Variants in CCDC33 observed in about 807,000 individuals in gnomAD.
CCDC33 encodes coiled-coil domain containing 33.
In CCDC33, 94 loss-of-function variants were observed where a neutral mutation model predicts 91.9. The observed-to-expected ratio is 1.02, with a 90% confidence interval of 0.87 to 1.21. The LOEUF (loss-of-function observed/expected upper bound fraction) is 1.21, where lower values mean the gene tolerates loss of function less well. Among genes scored for constraint, CCDC33 ranks in the 50% most tolerant of loss-of-function variants. The pLI, the probability that CCDC33 is intolerant of heterozygous loss-of-function variation, is 0.00. For missense variants in CCDC33, 940 were observed against 935.5 expected, an observed-to-expected ratio of 1.00 and a Z score of -0.06; for synonymous variants, 396 against 374.5, an observed-to-expected ratio of 1.06 and a Z score of -0.66.
upstream of CCDC33, among the ~76,000 whole-genome samples, chr15:74,233,217 C>T (rs2075040171): frequency 6.6e-6 from 1 of 152,212 alleles, no homozygotes; most frequent in Admixed American, 6.5e-5. Context: ...AAGTTCACTC[C>T]TGGTATGTAA....
At position 74,333,837 on chromosome 15, in the gene CCDC33, A is replaced by T. The variant is rs765201607; in HGVS notation, c.1939-44A>T. 20 of 1,525,348 alleles carry T rather than the reference A, an allele frequency of 1.3e-5. No homozygotes were observed. The South Asian group carries it at 2.2e-4, about 16-fold the overall frequency. The allele number at this position is 1,525,348 out of a possible 1,614,324, so 94.5% of individuals were successfully genotyped here. A position where few individuals can be genotyped will look rare whatever the true frequency, so the allele number is the denominator to read the frequency against. Reference sequence around the variant, plus strand: ...TGGTTTCCCAAGCTCACACTGCCACAGCCTCCAGCTGGGGCCAAATGTGAG... The same window carrying T: ...TGGTTTCCCAAGCTCACACTGCCACTGCCTCCAGCTGGGGCCAAATGTGAG... On this transcript the variant is annotated intron_variant, in intron 16 of 18. Coordinates refer to ENST00000398814, the MANE Select transcript of CCDC33 (RefSeq NM_025055.5).
chr15:74,319,079 C>T (rs2060154119), intron 11 of CCDC33, among the ~76,000 whole-genome samples: 1 of 152,192 alleles, frequency 6.6e-6, no homozygotes, highest in Non-Finnish European at 1.5e-5. Context: ...GTGGGTGTGG[C>T]AGATGGGGCA....
At chr15:74,222,907 C>T (rs1440663289) in intron 2 of CCDC33, among the ~76,000 whole-genome samples, 1 of 151,832 alleles carries the variant, frequency 6.6e-6, no homozygotes, top group Non-Finnish European at 1.5e-5. Context: ...GCACTCCGTC[C>T]TCACTCCCCC....
upstream of CCDC33, among the ~76,000 whole-genome samples, chr15:74,235,382 C>G (rs540958009): frequency 1.1e-4 from 16 of 152,324 alleles, no homozygotes; most frequent in African/African-American, 3.6e-4. Flanking sequence ...TCTGCAAAGC[C>G]GGAGTCTCCT....
chr15:74,308,599 A>G (rs932105774), intron 11 of CCDC33, among the ~76,000 whole-genome samples: 1 of 151,970 alleles, frequency 6.6e-6, no homozygotes, highest in African/African-American at 2.4e-5. Flanking sequence ...ATCTTCAAGG[A>G]GGGGGGACAG....
intron 1 of CCDC33, chr15:74,208,653 A>C: frequency 1.0e-6 from 1 of 956,382 alleles, no homozygotes; most frequent in Non-Finnish European, 1.2e-6. Flanking sequence ...CTTACTCATC[A>C]GAATTGCTCC....
upstream of CCDC33, among the ~76,000 whole-genome samples, chr15:74,215,976 G>A (rs1304345570): frequency 3.9e-5 from 6 of 152,200 alleles, no homozygotes; most frequent in Non-Finnish European, 7.4e-5. Context: ...GAAGGGACTC[G>A]GGATAAACCG....
intron 2 of CCDC33, among the ~76,000 whole-genome samples, chr15:74,222,555 C>T (rs751862619): frequency 2.7e-5 from 4 of 148,476 alleles, no homozygotes; most frequent in South Asian, 2.1e-4. Context: ...TAATTCCTTC[C>T]GTTTAAAACA....
At chr15:74,321,102 G>A (rs972041383) in intron 11 of CCDC33, among the ~76,000 whole-genome samples, 11 of 152,084 alleles carry the variant, frequency 7.2e-5, no homozygotes, top group Non-Finnish European at 1.2e-4. Context: ...CATCCTCCCC[G>A]ACTTGTCCCT....
chr15:74,280,618 G>A (rs2059340902), intron 8 of CCDC33, 50 bp from the exon 9 acceptor site: 1 of 1,427,442 alleles, frequency 7.0e-7, no homozygotes, highest in Non-Finnish European at 9.2e-7. Flanking sequence ...TAAAGGATGG[G>A]GCCGAGGTGG....
intron 15 of CCDC33, 37 bp from the exon 16 acceptor site, chr15:74,332,642 G>T (rs372522205): frequency 1.2e-6 from 2 of 1,605,758 alleles, no homozygotes; most frequent in African/African-American, 2.7e-5. Flanking sequence ...GGAAGCAGGA[G>T]AGCCCATCTC....
intron 10 of CCDC33, among the ~76,000 whole-genome samples, chr15:74,283,883 G>A (rs915893171): frequency 6.6e-5 from 10 of 151,746 alleles, no homozygotes; most frequent in African/African-American, 2.4e-4. Context: ...ACACACAGAT[G>A]TGTGCGCACA....
At chr15:74,273,125 T>A (rs553738808) in intron 7 of CCDC33, among the ~76,000 whole-genome samples, 1 of 152,374 alleles carries the variant, frequency 6.6e-6, no homozygotes, top group South Asian at 2.1e-4. Context: ...CAACACAAGA[T>A]AATGTATAAT....
chr15:74,326,200 C>T (rs1483316503), intron 11 of CCDC33, among the ~76,000 whole-genome samples: 2 of 152,206 alleles, frequency 1.3e-5, no homozygotes, highest in Admixed American at 6.5e-5. Context: ...TGGCACACAC[C>T]TGTAGTCCCA....
chr15:74,321,943 T>C (rs1342674503), intron 11 of CCDC33, among the ~76,000 whole-genome samples: 2 of 152,044 alleles, frequency 1.3e-5, no homozygotes, highest in Non-Finnish European at 2.9e-5. Flanking sequence ...AGTGCCAGGC[T>C]GGTGTAGGCG....
At chr15:74,260,210 C>A (rs748387503) in intron 2 of CCDC33, among the ~76,000 whole-genome samples, 2 of 152,082 alleles carry the variant, frequency 1.3e-5, no homozygotes, top group African/African-American at 2.4e-5. Context: ...GGTCACAGAG[C>A]CGGAGGGAAA....
At chr15:74,211,570 T>G (rs1182192860) in intron 2 of CCDC33, among the ~76,000 whole-genome samples, 1 of 152,008 alleles carries the variant, frequency 6.6e-6, no homozygotes, top group Non-Finnish European at 1.5e-5. Flanking sequence ...CCGGCTGAAT[T>G]TTTTTGTATT....
chr15:74,308,343 G>T (rs1303466999), intron 11 of CCDC33, among the ~76,000 whole-genome samples: 1 of 70,628 alleles, frequency 1.4e-5, no homozygotes, highest in East Asian at 4.4e-4. Context: ...CCCAGTCCAT[G>T]TGTGCAGACA....
intron 2 of CCDC33, among the ~76,000 whole-genome samples, chr15:74,226,617 A>G (rs2142177288): frequency 6.6e-6 from 1 of 152,264 alleles, no homozygotes; most frequent in African/African-American, 2.4e-5. Context: ...TCACAAGGTC[A>G]AGAGTTCCAG....
Sources: gnomAD v4.1 joint callset for allele counts (sites outside exome capture counted in the v4.1 genomes callset) on GRCh38, gnomAD v4.1.1 for gene constraint, MANE v1.5 for transcripts, NCBI Gene and HGNC (gene_info 2026-07-23, HGNC 2026-07-21) for gene names.